NME7: variants seen among roughly 807,000 people sequenced by gnomAD.
NME7 encodes nucleoside diphosphate kinase 7.
Under a neutral mutation model 49.1 loss-of-function variants are expected in NME7, and 41 were observed. The ratio of observed to expected loss-of-function variants is 0.83; its 90% CI spans 0.65 to 1.08. The LOEUF is 1.08. NME7 is among the 50% of genes least tolerant of loss of function. NME7 has a pLI of 0.00. For missense variants in NME7, 423 were observed against 463.4 expected, an observed-to-expected ratio of 0.91 and a Z score of 0.80; for synonymous variants, 139 against 150.6, an observed-to-expected ratio of 0.92 and a Z score of 0.56.
At chr1:169,305,146 G>A (rs531710588) in intron 4 of NME7, among the ~76,000 whole-genome samples, 3 of 152,264 alleles carry the variant, frequency 2.0e-5, no homozygotes, top group South Asian at 2.1e-4. Flanking sequence ...TTGAAACCAC[G>A]ATGAGAGTTC....
At chr1:169,340,065 C>T (rs868536932) in intron 1 of NME7, among the ~76,000 whole-genome samples, 1 of 152,158 alleles carries the variant, frequency 6.6e-6, no homozygotes, top group Non-Finnish European at 1.5e-5. Context: ...TCTGCCCATA[C>T]CTTTGTAACT....
At chr1:169,363,581 A>G (rs1025038999) in intron 1 of NME7, among the ~76,000 whole-genome samples, 2 of 152,112 alleles carry the variant, frequency 1.3e-5, no homozygotes, top group Non-Finnish European at 2.9e-5. Flanking sequence ...ACCACATTTC[A>G]TGGTATTTTG....
At chr1:169,214,650 C>T (rs997427923) in intron 10 of NME7, among the ~76,000 whole-genome samples, 1 of 152,212 alleles carries the variant, frequency 6.6e-6, no homozygotes, top group African/African-American at 2.4e-5. Flanking sequence ...ATTGATAATG[C>T]AGGATATTTT....
At chr1:169,310,289 C>A (rs1651335334) in intron 3 of NME7, among the ~76,000 whole-genome samples, 1 of 151,810 alleles carries the variant, frequency 6.6e-6, no homozygotes, top group Non-Finnish European at 1.5e-5. Flanking sequence ...AGATACTAAA[C>A]TTGGGGGAGG....
At chr1:169,133,752 T>G (rs1295194428) in intron 11 of NME7, among the ~76,000 whole-genome samples, 1 of 152,210 alleles carries the variant, frequency 6.6e-6, no homozygotes, top group Admixed American at 6.5e-5. Flanking sequence ...ACTGAGTTTC[T>G]CAAAGTAACC....
At chr1:169,256,238 T>C (rs1348190497) in intron 7 of NME7, among the ~76,000 whole-genome samples, 1 of 133,434 alleles carries the variant, frequency 7.5e-6, no homozygotes, top group East Asian at 2.0e-4. Flanking sequence ...CATAGTCCCA[T>C]ATTTCTTGGA....
At chr1:169,135,283 C>G (rs1273648114) in intron 11 of NME7, among the ~76,000 whole-genome samples, 2 of 152,136 alleles carry the variant, frequency 1.3e-5, no homozygotes, top group Non-Finnish European at 2.9e-5. Flanking sequence ...CCAGAGGGAA[C>G]TGCTCCAACT....
rs142020252 is a variant in NME7 at position 169,230,776 on chromosome 1, T to A, written c.932A>T (p.Glu311Val). The part of the protein sequence containing the change: ...EMYSGPCVAM[E>V]IQQNNATKTF... ...CTTTGTAGCATTATTCTGTTGAATC[T>A]CCATTGCTACACAAGGGCCAGAATA... Residue 311 changes from glutamate (E) to valine (V), a missense_variant, in exon 10 of 12, where the codon GAG becomes GTG. Transcript: ENST00000367811. 6.2e-7 allele frequency: 1 copy of A among 1,607,832 alleles called. No individual in the cohort carries two copies. The highest frequency in any genetic ancestry group is 8.5e-7 in the Non-Finnish European group (1 of 1,177,338).
intron 7 of NME7, among the ~76,000 whole-genome samples, chr1:169,264,977 A>G (rs1389658159): frequency 7.5e-6 from 1 of 133,346 alleles, no homozygotes; most frequent in Non-Finnish European, 1.8e-5. Context: ...TGTCCTTCAC[A>G]TGGCGGCAAC....
At chr1:169,189,390 T>C (rs960084055) in intron 10 of NME7, among the ~76,000 whole-genome samples, 2 of 152,160 alleles carry the variant, frequency 1.3e-5, no homozygotes. Context: ...AAAATACTTG[T>C]AAAAATTTTT....
intron 4 of NME7, among the ~76,000 whole-genome samples, chr1:169,308,549 C>T (rs921044836): frequency 6.6e-6 from 1 of 152,200 alleles, no homozygotes; most frequent in Non-Finnish European, 1.5e-5. Context: ...GTCCTATACT[C>T]ATCTCCCTTC....
intron 1 of NME7, among the ~76,000 whole-genome samples, chr1:169,331,301 G>A (rs778269186): frequency 6.6e-6 from 1 of 152,036 alleles, no homozygotes; most frequent in Non-Finnish European, 1.5e-5. Context: ...ACTGAATATA[G>A]AAGTAACATA....
intron 1 of NME7, among the ~76,000 whole-genome samples, chr1:169,338,583 T>G: frequency 6.6e-6 from 1 of 152,104 alleles, no homozygotes; most frequent in East Asian, 1.9e-4. Flanking sequence ...TCTTGAAAAT[T>G]TTTGCTCTCT....
intron 11 of NME7, among the ~76,000 whole-genome samples, chr1:169,133,446 G>A (rs1477837094): frequency 6.6e-6 from 1 of 152,186 alleles, no homozygotes; most frequent in Non-Finnish European, 1.5e-5. Context: ...CTTACAGAGA[G>A]ACAGATCTGG....
intron 7 of NME7, among the ~76,000 whole-genome samples, chr1:169,245,681 TA>T (rs1312499276): frequency 6.6e-6 from 1 of 152,188 alleles, no homozygotes; most frequent in Non-Finnish European, 1.5e-5. Context: ...CTTTAAAATT[TA>T]AATCTAGTGA....
chr1:169,233,664 C>A (rs1647736880), intron 9 of NME7, among the ~76,000 whole-genome samples: 1 of 152,134 alleles, frequency 6.6e-6, no homozygotes, highest in South Asian at 2.1e-4. Context: ...TAACTCTACT[C>A]ATTAGAGTTC....
intron 10 of NME7, among the ~76,000 whole-genome samples, chr1:169,192,252 A>G (rs1348632763): frequency 6.6e-6 from 1 of 152,178 alleles, no homozygotes; most frequent in Non-Finnish European, 1.5e-5. Context: ...GCAGCTGGAG[A>G]CATCTTAAAG....
chr1:169,232,775 G>T (rs1379286793), intron 9 of NME7, among the ~76,000 whole-genome samples: 1 of 151,756 alleles, frequency 6.6e-6, no homozygotes, highest in Non-Finnish European at 1.5e-5. Context: ...AGTTCTTTAG[G>T]CAGAAGGAAA....
intron 3 of NME7, among the ~76,000 whole-genome samples, chr1:169,314,577 A>G (rs899014528): frequency 6.0e-4 from 91 of 152,234 alleles, no homozygotes; most frequent in African/African-American, 2.1e-3. Context: ...TACGTTACAA[A>G]TAAGTGCTCT....
Sources: gnomAD v4.1 joint callset for allele counts (sites outside exome capture counted in the v4.1 genomes callset) on GRCh38, gnomAD v4.1.1 for gene constraint, MANE v1.5 for transcripts, NCBI Gene and HGNC (gene_info 2026-07-23, HGNC 2026-07-21) for gene names.